Variants in SYT17 observed in about 807,000 individuals in gnomAD.
SYT17 encodes the protein synaptotagmin-17.
A neutral mutation model predicts 46.7 loss-of-function variants in SYT17; 22 were observed. The ratio of observed to expected loss-of-function variants is 0.47; its 90% CI spans 0.34 to 0.67. The LOEUF is 0.67. SYT17 is among the 30% of genes least tolerant of loss of function. The probability of loss-of-function intolerance (pLI) is 0.01; values close to 1 mark genes in which losing one functional copy is unlikely to be tolerated. For missense variants in SYT17, 519 were observed against 612.8 expected, an observed-to-expected ratio of 0.85 and a Z score of 1.62; for synonymous variants, 251 against 248.4, an observed-to-expected ratio of 1.01 and a Z score of -0.10.
intron 7 of SYT17, among the ~76,000 whole-genome samples, chr16:19,256,310 C>T (rs898618103): frequency 1.3e-5 from 2 of 151,912 alleles, no homozygotes; most frequent in African/African-American, 4.8e-5. Flanking sequence ...CCATGCTGGA[C>T]CCTAGAGAGA....
Position 19,183,972 on chromosome 16 carries a change from G to A in SYT17, c.776G>A (p.Arg259His), listed in dbSNP as rs202137632. 8.2e-5 allele frequency: 133 copies of A among 1,614,142 alleles called. No individual in the cohort carries two copies. In the Admixed American group the frequency reaches 2.1e-3, roughly 26 times the overall value. ...ACCCAGAAGCCCGTGTTTGAGGAGC[G>A]CTACACCTTCGAGATCCCCTTCCTG... ...RKTQKPVFEE[R>H]YTFEIPFLEA... is the part of the protein sequence containing the mutation. Residue 259 changes from arginine to histidine, a missense_variant, in exon 5 of 8, where the codon CGC (arginine) becomes CAC (histidine). Arg to His is a conservative substitution (Grantham distance 29). Transcript: ENST00000355377. This position sits in a 1 kb window ranked among gnomAD's most constrained non-coding sequence, Gnocchi z 5.6.
intron 3 of SYT17, among the ~76,000 whole-genome samples, chr16:19,176,171 TG>T (rs1469264600): frequency 1.3e-5 from 2 of 152,248 alleles, no homozygotes; most frequent in Non-Finnish European, 2.9e-5. Context: ...CTGTTTCTTC[TG>T]TATTGGCCTC....
chr16:19,213,432 A>C (rs1965979900), intron 5 of SYT17, among the ~76,000 whole-genome samples: 1 of 152,198 alleles, frequency 6.6e-6, no homozygotes. Context: ...TGGGTAGTAG[A>C]TGTAGGCTCT....
Position 19,168,534 on chromosome 16 carries a change from G to C in SYT17, c.-113G>C. ...CACGCCAGTCACGTCTGGGGCCACC[G>C]GCTGCCTTTTTCTTCCTTTCCCCCT... On this transcript the variant is annotated 5_prime_UTR_variant, in exon 1 of 8. Coordinates refer to ENST00000355377, the MANE Select transcript of SYT17 (RefSeq NM_016524.4). The surrounding 1 kb of genome is among the most constrained non-coding windows in gnomAD (Gnocchi z 6.9). The C allele has an allele frequency of 6.8e-7, 1 of 1,470,802 alleles. No homozygotes were observed. The highest frequency in any genetic ancestry group is 1.2e-5 in the South Asian group (1 of 81,476). The allele number at this position is 1,470,802 out of a possible 1,614,324, so 91.1% of individuals were successfully genotyped here.
At chr16:19,211,968 G>T (rs1461147153) in intron 5 of SYT17, among the ~76,000 whole-genome samples, 1 of 152,154 alleles carries the variant, frequency 6.6e-6, no homozygotes, top group Non-Finnish European at 1.5e-5. Flanking sequence ...GGCAGAGGCG[G>T]TTGGTGAGTG....
rs192068602 is a variant in SYT17 at position 19,236,232 on chromosome 16, G to A, written c.1228+11394G>A. 4.1e-4 allele frequency among the ~76,000 whole-genome samples: 63 copies of A among 152,286 alleles called. 1 individual carries two copies. In the East Asian group the frequency reaches 0.01, roughly 25 times the overall value. The stretch of plus-strand genomic sequence containing the variant: ...GACTGTGGGCAAGTTGCTTTACCAC[G>A]CTGAACCTCGGTTTTTTTCTTGTCT... On this transcript the variant is annotated intron_variant, in intron 7 of 7. Transcript: ENST00000355377.
intron 7 of SYT17, among the ~76,000 whole-genome samples, chr16:19,241,798 G>C (rs530156019): frequency 1.3e-5 from 2 of 152,312 alleles, no homozygotes; most frequent in African/African-American, 2.4e-5. Flanking sequence ...GGGCCTGGGA[G>C]TGGGTCCCAT....
intron 5 of SYT17, among the ~76,000 whole-genome samples, chr16:19,211,967 G>A (rs771108134): frequency 9.2e-5 from 14 of 152,212 alleles, no homozygotes; most frequent in Middle Eastern, 3.4e-3. Context: ...AGGCAGAGGC[G>A]GTTGGTGAGT....
At chr16:19,234,060 T>G (rs1193602703) in intron 7 of SYT17, among the ~76,000 whole-genome samples, 1 of 152,204 alleles carries the variant, frequency 6.6e-6, no homozygotes, top group Non-Finnish European at 1.5e-5. Context: ...TGGTTCACAC[T>G]CATACCTGTA....
At position 19,183,823 on chromosome 16, in the gene SYT17, G is replaced by T; in HGVS notation, c.627G>T (p.Arg209Ser). 1 of 1,614,128 alleles carries T rather than the reference G, an allele frequency of 6.2e-7. No individual in the cohort carries two copies. The highest frequency in any genetic ancestry group is 8.5e-7 in the Non-Finnish European group (1 of 1,180,038). Residue 209 changes from arginine to serine, a missense_variant, in exon 5 of 8, where the codon AGG becomes AGT. Transcript: ENST00000355377. This position sits in a 1 kb window ranked among gnomAD's most constrained non-coding sequence, Gnocchi z 5.6. ...TCACCGTGCGCGTGATCGAGGCCAG[G>T]GACCTGCCACCTCCCATCTCCCACG... The part of the protein sequence containing the change: ...NHLTVRVIEA[R>S]DLPPPISHDG...
intron 3 of SYT17, 67 bp downstream of exon 3, chr16:19,173,645 G>C: frequency 6.4e-7 from 1 of 1,555,148 alleles, no homozygotes; most frequent in Non-Finnish European, 8.7e-7. Context: ...ATGAGAAGGC[G>C]GGTTGGGGGT....
chr16:19,224,547 G>A (rs1381666537), intron 6 of SYT17, 136 bp from the exon 7 acceptor site: 4 of 940,578 alleles, frequency 4.3e-6, no homozygotes, highest in East Asian at 2.6e-5. Flanking sequence ...TGAGATGAAT[G>A]AAAAGTTGAA....
At chr16:19,181,704 A>G (rs1466543544) in intron 4 of SYT17, among the ~76,000 whole-genome samples, 1 of 25,178 alleles carries the variant, frequency 4.0e-5, no homozygotes, top group African/African-American at 3.7e-4. Context: ...ACAGTGAGGA[A>G]AAAAAAAAAA....
chr16:19,249,857 G>A, intron 7 of SYT17: 1 of 1,403,240 alleles, frequency 7.1e-7, no homozygotes, highest in Non-Finnish European at 9.5e-7. Flanking sequence ...GAGTCACTGG[G>A]GGCTCCATAC....
rs11388642 is a variant in SYT17 at position 19,172,635 on chromosome 16, C to CTT, written c.16-112_16-111dup. The CTT allele has an allele frequency of 9.1e-3, 12,969 of 1,425,816 alleles. 1 individual carries two copies. Among genetic ancestry groups the CTT allele is most frequent in the African/African-American group, 0.014 (911 of 65,430 alleles). 88.3% of individuals were successfully genotyped at this position (1,425,816 alleles called of 1,614,324 possible). On this transcript the variant is annotated intron_variant, in intron 1 of 7. Coordinates refer to ENST00000355377, the MANE Select transcript of SYT17 (RefSeq NM_016524.4). ...GGATGGTAAGTGGAAATATGCAGGG[C>CTT]TTTTTTTTTTTTTTGTAAAATTTTT...
chr16:19,255,940 A>G (rs950626984), intron 7 of SYT17, among the ~76,000 whole-genome samples: 6 of 152,128 alleles, frequency 3.9e-5, no homozygotes, highest in Non-Finnish European at 8.8e-5. Flanking sequence ...TCATCTCCAC[A>G]TACTGGGATC....
chr16:19,242,318 C>T (rs574478356), intron 7 of SYT17, among the ~76,000 whole-genome samples: 30 of 152,244 alleles, frequency 2.0e-4, no homozygotes, highest in African/African-American at 7.0e-4. Context: ...GAGAAAGGGC[C>T]AGCAGTGGAA....
At chr16:19,188,878 G>T (rs1013646784) in intron 5 of SYT17, among the ~76,000 whole-genome samples, 1 of 152,126 alleles carries the variant, frequency 6.6e-6, no homozygotes, top group Admixed American at 6.6e-5. Context: ...CCCTGTGTGT[G>T]TCTGTGTCTC....
chr16:19,244,710 C>T (rs546901600), intron 7 of SYT17, among the ~76,000 whole-genome samples: 68 of 152,290 alleles, frequency 4.5e-4, no homozygotes, highest in Non-Finnish European at 8.2e-4. Context: ...GGTGATTCAG[C>T]GGCCCAGGCG....
Sources: gnomAD v4.1 joint callset for allele counts (sites outside exome capture counted in the v4.1 genomes callset) on GRCh38, gnomAD v4.1.1 for gene constraint, Gnocchi (gnomAD v3.1) non-coding constraint, MANE v1.5 for transcripts, NCBI Gene and HGNC (gene_info 2026-07-23, HGNC 2026-07-21) for gene names.